TBC1D5: variants seen among roughly 807,000 people sequenced by gnomAD.
TBC1D5 encodes the protein TBC1 domain family, member 5.
In TBC1D5, 75 loss-of-function variants were observed where a neutral mutation model predicts 100.3. The observed-to-expected ratio is 0.75, with a 90% CI of 0.62 to 0.91. The LOEUF is 0.91. TBC1D5 is among the 40% of genes least tolerant of loss of function. The pLI is 0.00. For missense variants in TBC1D5, 910 were observed against 942.4 expected, an observed-to-expected ratio of 0.97 and a Z score of 0.45; for synonymous variants, 323 against 325.6, an observed-to-expected ratio of 0.99 and a Z score of 0.09.
chr3:17,311,455 T>C (rs1336738966), intron 13 of TBC1D5, among the ~76,000 whole-genome samples: 1 of 152,086 alleles, frequency 6.6e-6, no homozygotes, highest in African/African-American at 2.4e-5. Flanking sequence ...TTTGCATTTA[T>C]ACCACTATTC....
intron 2 of TBC1D5, among the ~76,000 whole-genome samples, chr3:17,558,318 T>C (rs1309951370): frequency 6.6e-6 from 1 of 152,130 alleles, no homozygotes; most frequent in Non-Finnish European, 1.5e-5. Context: ...CTATACAATA[T>C]AAAATTATCA....
chr3:17,717,303 A>G (rs2075322796), intron 1 of TBC1D5, among the ~76,000 whole-genome samples: 1 of 110,902 alleles, frequency 9.0e-6, no homozygotes, highest in African/African-American at 3.1e-5. Flanking sequence ...TAGTCTAGCT[A>G]ATACTTTAAA....
At chr3:17,491,626 T>C (rs1420418235) in intron 3 of TBC1D5, among the ~76,000 whole-genome samples, 1 of 152,222 alleles carries the variant, frequency 6.6e-6, no homozygotes, top group Non-Finnish European at 1.5e-5. Flanking sequence ...TTGCATATGC[T>C]GAACCAGCCT....
chr3:17,473,004 C>T (rs1368962372), intron 3 of TBC1D5, among the ~76,000 whole-genome samples: 2 of 152,144 alleles, frequency 1.3e-5, no homozygotes, highest in East Asian at 1.9e-4. Flanking sequence ...GAAAATATAT[C>T]ACAAAGTACT....
At chr3:17,176,919 T>C (rs996398611) in intron 19 of TBC1D5, among the ~76,000 whole-genome samples, 1 of 152,074 alleles carries the variant, frequency 6.6e-6, no homozygotes, top group South Asian at 2.1e-4. Flanking sequence ...AGTGAGGATA[T>C]CCTTAGTGGG....
intron 2 of TBC1D5, among the ~76,000 whole-genome samples, chr3:17,619,554 T>A (rs1475809013): frequency 3.9e-5 from 6 of 152,156 alleles, no homozygotes; most frequent in Non-Finnish European, 8.8e-5. Context: ...GAAAAAAAGA[T>A]AAAATTCAAT....
intron 2 of TBC1D5, among the ~76,000 whole-genome samples, chr3:17,544,583 G>A (rs1249507424): frequency 2.0e-5 from 3 of 150,874 alleles, no homozygotes; most frequent in East Asian, 2.0e-4. Flanking sequence ...CCCGCGAGGC[G>A]GAGGTTGCAG....
intron 13 of TBC1D5, among the ~76,000 whole-genome samples, chr3:17,346,420 T>C (rs565590404): frequency 1.2e-4 from 19 of 152,266 alleles, no homozygotes; most frequent in Admixed American, 5.9e-4. Flanking sequence ...CTGTACCACC[T>C]GCCCATTTTT....
intron 1 of TBC1D5, among the ~76,000 whole-genome samples, chr3:17,721,467 G>T (rs2075697266): frequency 6.6e-6 from 1 of 151,542 alleles, no homozygotes. Context: ...GCATGTGTGT[G>T]TGTGTGTGTG....
chr3:17,305,264 C>T (rs283945), intron 14 of TBC1D5, among the ~76,000 whole-genome samples: 75,733 of 151,902 alleles, frequency 0.5, 20,332 homozygotes, highest in African/African-American at 0.67. Flanking sequence ...TCCTTGGCTT[C>T]TTCTCCTCTG....
chr3:17,642,068 G>A (rs1270289449), intron 1 of TBC1D5, among the ~76,000 whole-genome samples: 1 of 152,084 alleles, frequency 6.6e-6, no homozygotes, highest in African/African-American at 2.4e-5. Flanking sequence ...TTGGGTTTAT[G>A]CTATGAAAAT....
rs944868207 is a variant in TBC1D5, at chr3:17,256,396, A to AAT, written c.1331+2108_1331+2109dup. On this transcript the variant is annotated intron_variant, in intron 16 of 21. Coordinates refer to ENST00000253692, the Ensembl canonical transcript of TBC1D5. ...AATCTCAATGTGTTTATATATATAT[A>AAT]ATATATATATAAACTCATTGTGTTA... 2.0e-5 allele frequency among the ~76,000 whole-genome samples: 3 copies of AAT among 146,616 alleles called. No individual in the cohort carries two copies. In the South Asian group the frequency reaches 6.3e-4, roughly 31 times the overall value.
chr3:17,595,522 A>G (rs555735963), intron 2 of TBC1D5, among the ~76,000 whole-genome samples: 8 of 152,330 alleles, frequency 5.3e-5, no homozygotes, highest in Admixed American at 1.3e-4. Flanking sequence ...TAAATGCTGA[A>G]TAAGAGTTAC....
chr3:17,294,532 T>G (rs1429789885), intron 14 of TBC1D5, among the ~76,000 whole-genome samples: 1 of 152,222 alleles, frequency 6.6e-6, no homozygotes, highest in Non-Finnish European at 1.5e-5. Flanking sequence ...TTGTTAAAAC[T>G]ATTGAAGCTA....
chr3:17,712,830 T>G (rs2074868760), intron 1 of TBC1D5, among the ~76,000 whole-genome samples: 1 of 152,166 alleles, frequency 6.6e-6, no homozygotes, highest in Non-Finnish European at 1.5e-5. Flanking sequence ...GAATCAGCAT[T>G]TTAAGGTGAA....
chr3:17,401,277 A>G (rs903928845), intron 8 of TBC1D5, among the ~76,000 whole-genome samples: 2 of 147,306 alleles, frequency 1.4e-5, no homozygotes, highest in Non-Finnish European at 3.0e-5. Flanking sequence ...TATGTGTATA[A>G]TACACATATA....
chr3:17,402,590 G>A (rs776190962), intron 8 of TBC1D5, among the ~76,000 whole-genome samples: 7 of 152,112 alleles, frequency 4.6e-5, no homozygotes, highest in Non-Finnish European at 8.8e-5. Context: ...GCATCCGTTA[G>A]TTACGACTCT....
intron 2 of TBC1D5, among the ~76,000 whole-genome samples, chr3:17,509,183 A>T (rs1181221290): frequency 6.6e-6 from 1 of 151,924 alleles, no homozygotes; most frequent in Non-Finnish European, 1.5e-5. Context: ...AGAAAAAAAC[A>T]ATTGTGTGTC....
intron 2 of TBC1D5, among the ~76,000 whole-genome samples, chr3:17,562,580 G>C (rs1475744502): frequency 6.7e-6 from 1 of 149,776 alleles, no homozygotes; most frequent in Non-Finnish European, 1.5e-5. Context: ...AATATTTACT[G>C]TGAGTGATAT....
Sources: gnomAD v4.1 joint callset for allele counts (sites outside exome capture counted in the v4.1 genomes callset) on GRCh38, gnomAD v4.1.1 for gene constraint, MANE v1.5 for transcripts, NCBI Gene and HGNC (gene_info 2026-07-23, HGNC 2026-07-21) for gene names.